PCDHA10: variants seen among roughly 807,000 people sequenced by gnomAD.
PCDHA10 encodes protocadherin alpha-10.
Under a neutral mutation model 61.2 loss-of-function variants are expected in PCDHA10, and 45 were observed. The ratio of observed to expected loss-of-function variants is 0.74; its 90% CI spans 0.58 to 0.94. The LOEUF (loss-of-function observed/expected upper bound fraction) is 0.94, where lower values mean the gene tolerates loss of function less well. PCDHA10 is among the 40% of genes least tolerant of loss of function. The pLI is 0.00. For missense variants in PCDHA10, 1,278 were observed against 1,236.2 expected, an observed-to-expected ratio of 1.03 and a Z score of -0.51; for synonymous variants, 602 against 548.8, an observed-to-expected ratio of 1.10 and a Z score of -1.35.
intron 1 of PCDHA10, chr5:140,966,383 C>T: frequency 2.5e-6 from 1 of 405,022 alleles, no homozygotes; most frequent in East Asian, 3.6e-5. Context: ...TCCGGGTTCG[C>T]TGTCCGCCAC....
chr5:140,862,554 A>G, intron 1 of PCDHA10: 3 of 464,416 alleles, frequency 6.5e-6, no homozygotes, highest in Non-Finnish European at 1.3e-5. Context: ...GTGGCCGAAC[A>G]GTGAACCACA....
chr5:140,902,822 C>T (rs1239042138), intron 1 of PCDHA10, among the ~76,000 whole-genome samples: 4 of 151,576 alleles, frequency 2.6e-5, no homozygotes, highest in Admixed American at 2.0e-4. Context: ...ATTTGGTTTT[C>T]GATTTCTGAG....
At chr5:140,869,666 A>G (rs2051321419) in intron 1 of PCDHA10, 1 of 1,613,524 alleles carries the variant, frequency 6.2e-7, no homozygotes, top group East Asian at 2.2e-5. Context: ...AATGGTAAGC[A>G]GATTAAAAGA....
In PCDHA10 at chr5:140,863,213, A is replaced by C. The variant is rs1554157955; in HGVS notation, c.2388+4777A>C. 2.9e-6 allele frequency: 3 copies of C among 1,051,332 alleles called. No individual in the cohort carries two copies. The South Asian group carries it at 3.7e-5, about 13-fold the overall frequency. The allele number at this position is 1,051,332 out of a possible 1,614,324, so 65.1% of individuals were successfully genotyped here. On this transcript the variant is annotated intron_variant, in intron 1 of 3. Transcript: ENST00000307360. ...GTGGCGTCGCTGGCGGAGAGCAGCC[A>C]AGCGAGGAAGGTCCCATCGCGGGCT... is the stretch of plus-strand genomic sequence containing the variant.
intron 1 of PCDHA10, among the ~76,000 whole-genome samples, chr5:140,907,796 A>AG (rs2073616997): frequency 6.6e-6 from 1 of 152,214 alleles, no homozygotes; most frequent in African/African-American, 2.4e-5. Flanking sequence ...AAAGAGGCTA[A>AG]GTGGTGTCCA....
chr5:140,997,995 T>C (rs573319923), intron 3 of PCDHA10, among the ~76,000 whole-genome samples: 1 of 152,304 alleles, frequency 6.6e-6, no homozygotes, highest in East Asian at 1.9e-4. Flanking sequence ...CATACTTCCC[T>C]CTGAGCCTTC....
chr5:140,983,022 A>G (rs2097023004), intron 3 of PCDHA10, among the ~76,000 whole-genome samples: 1 of 152,114 alleles, frequency 6.6e-6, no homozygotes, highest in Non-Finnish European at 1.5e-5. Flanking sequence ...GGAAGGAAGG[A>G]AGATGGTTTC....
chr5:140,994,379 G>A (rs2097618506), intron 3 of PCDHA10, among the ~76,000 whole-genome samples: 1 of 152,112 alleles, frequency 6.6e-6, no homozygotes. Flanking sequence ...AAATTCAGGG[G>A]ACTAAGTCAG....
At chr5:140,903,166 T>C (rs758397398) in intron 1 of PCDHA10, among the ~76,000 whole-genome samples, 34 of 152,226 alleles carry the variant, frequency 2.2e-4, no homozygotes, top group Non-Finnish European at 2.5e-4. Context: ...TGTGCTGGTT[T>C]ACATTCCCAC....
chr5:140,886,158 C>A (rs888588847), intron 1 of PCDHA10, among the ~76,000 whole-genome samples: 2 of 152,142 alleles, frequency 1.3e-5, no homozygotes, highest in South Asian at 4.1e-4. Context: ...CTTTTTATAG[C>A]CACATCTGCT....
chr5:140,868,262 C>T (rs904607540), intron 1 of PCDHA10: 10 of 151,822 alleles, frequency 6.6e-5, no homozygotes, highest in African/African-American at 2.4e-4. Flanking sequence ...TTTGTGGATT[C>T]TTTTTTAAAA....
chr5:140,929,124 C>A (rs2085843450), intron 1 of PCDHA10: 5 of 1,614,048 alleles, frequency 3.1e-6, no homozygotes, highest in Admixed American at 3.3e-5. Context: ...CCATAGATGT[C>A]ACTACAGTTG....
intron 1 of PCDHA10, chr5:140,862,740 G>A: frequency 1.7e-6 from 1 of 577,772 alleles, no homozygotes; most frequent in South Asian, 1.4e-5. Flanking sequence ...GCTATGTGTG[G>A]GTGCACGCGG....
At chr5:140,941,063 TG>T (rs1554213711) in intron 1 of PCDHA10, among the ~76,000 whole-genome samples, 2 of 152,194 alleles carry the variant, frequency 1.3e-5, no homozygotes, top group East Asian at 3.8e-4. Context: ...AGCAGTTTTC[TG>T]GGCTGGAGAG....
chr5:140,872,756 A>G (rs987230878), intron 1 of PCDHA10, among the ~76,000 whole-genome samples: 1 of 152,342 alleles, frequency 6.6e-6, no homozygotes, highest in East Asian at 1.9e-4. Context: ...AAAGACATGC[A>G]TATAGGGCTA....
chr5:140,971,568 G>C (rs2096486593), intron 1 of PCDHA10, among the ~76,000 whole-genome samples: 1 of 152,074 alleles, frequency 6.6e-6, no homozygotes, highest in African/African-American at 2.4e-5. Flanking sequence ...CCCATGTTGG[G>C]CTTTCTTTTT....
chr5:140,886,910 T>C (rs1373910489), intron 1 of PCDHA10, among the ~76,000 whole-genome samples: 1 of 152,100 alleles, frequency 6.6e-6, no homozygotes, highest in African/African-American at 2.4e-5. Context: ...TAAATACTTA[T>C]TGAGTGTTCT....
intron 1 of PCDHA10, chr5:140,884,540 G>A (rs782638313): frequency 1.9e-6 from 3 of 1,613,998 alleles, no homozygotes; most frequent in South Asian, 2.2e-5. Flanking sequence ...GCGGCCGAGG[G>A]TGTGCTCTGG....
At position 140,857,475 on chromosome 5, in the gene PCDHA10, T is replaced by C; in HGVS notation, c.1427T>C (p.Val476Ala). The C allele has an allele frequency of 1.3e-6, 2 of 1,598,608 alleles. No individual in the cohort carries two copies. The highest frequency in any genetic ancestry group is 1.7e-6 in the Non-Finnish European group (2 of 1,167,910). Residue 476 changes from valine to alanine, a missense_variant, in exon 1 of 4, where the codon GTG becomes GCG. Val to Ala is a moderately conservative substitution (Grantham distance 64). Transcript: ENST00000307360. ...NNPPGCHIFT[V>A]SAWDADAQEN... ...CCGCCAGGCTGCCACATCTTCACGG[T>C]GTCTGCGTGGGACGCGGACGCGCAG...
Sources: allele counts gnomAD v4.1 joint callset (sites outside exome capture counted in the v4.1 genomes callset), GRCh38; gene constraint gnomAD v4.1.1; transcripts MANE v1.5; gene names NCBI Gene and HGNC (gene_info 2026-07-23, HGNC 2026-07-21).